Variants in SMOC2 observed in about 807,000 individuals in gnomAD.
The protein encoded by SMOC2 is SPARC-related modular calcium-binding protein 2.
In SMOC2, 39 loss-of-function variants were observed where a neutral mutation model predicts 61.4. The observed-to-expected ratio is 0.64, with a 90% CI of 0.49 to 0.83. The LOEUF is 0.83. Among genes scored for constraint, SMOC2 ranks in the 40% least tolerant of loss-of-function variants. The pLI is 0.00. For missense variants in SMOC2, 556 were observed against 592.9 expected (o/e 0.94, Z 0.65); for synonymous variants, 247 against 239.9 (o/e 1.03, Z -0.27).
intron 2 of SMOC2, among the ~76,000 whole-genome samples, chr6:168,510,782 C>T (rs1198390984): frequency 1.3e-5 from 2 of 152,166 alleles, no homozygotes; most frequent in African/African-American, 4.8e-5. Context: ...TCCCTGCTTA[C>T]CCAGGTGTGG....
chr6:168,507,081 A>G (rs1782888879), intron 1 of SMOC2, among the ~76,000 whole-genome samples: 2 of 152,196 alleles, frequency 1.3e-5, no homozygotes, highest in African/African-American at 4.8e-5. Flanking sequence ...ATTATCAAGA[A>G]TTATGGTCAA....
rs564446073 is a variant in SMOC2, at chr6:168,506,904, T to C, written c.85-3011T>C. Among the ~76,000 whole-genome samples the C allele has an allele frequency of 2.6e-5, 4 of 152,362 alleles. No individual in the cohort carries two copies. The South Asian group carries it at 8.3e-4, about 32-fold the overall frequency. ...ATATTTATTTTTCTTGAATGGGCTG[T>C]TTATTAATGAGCACAACTTAGTTAA... On this transcript the variant is annotated intron_variant, in intron 1 of 12. Transcript: ENST00000356284.
intron 9 of SMOC2, among the ~76,000 whole-genome samples, chr6:168,650,209 C>T (rs1411206302): frequency 6.6e-6 from 1 of 152,144 alleles, no homozygotes; most frequent in Non-Finnish European, 1.5e-5. Flanking sequence ...TGGGGAGCTC[C>T]TGCTGTTTGC....
intron 7 of SMOC2, among the ~76,000 whole-genome samples, chr6:168,579,274 T>G (rs759130050): frequency 6.6e-6 from 1 of 152,228 alleles, no homozygotes; most frequent in Non-Finnish European, 1.5e-5. Context: ...AGCCACTATT[T>G]TTTCTTTTAT....
intron 8 of SMOC2, among the ~76,000 whole-genome samples, chr6:168,602,348 C>T (rs540549128): frequency 2.6e-5 from 4 of 152,236 alleles, no homozygotes; most frequent in Admixed American, 6.5e-5. Context: ...TCTGTTCTGC[C>T]GTCTTCTTCT....
intron 7 of SMOC2, among the ~76,000 whole-genome samples, chr6:168,592,195 C>A (rs1481369859): frequency 6.6e-6 from 1 of 152,220 alleles, no homozygotes; most frequent in East Asian, 1.9e-4. Context: ...CCCTTGCCAT[C>A]CTGCTTCTCT....
In SMOC2 at chr6:168,664,130, T is replaced by C. The variant is rs376961532; in HGVS notation, c.1323+19T>C. On this transcript the variant is annotated intron_variant, in intron 12 of 12. Coordinates refer to ENST00000356284, the MANE Select transcript of SMOC2 (RefSeq NM_001166412.2). ...TAGACAGGTAAGTATGTTTATATTT[T>C]ACTCTTAACCATTTCGTTTTTAAAT... 2 of 1,589,294 alleles carry C rather than the reference T, an allele frequency of 1.3e-6. No homozygotes were observed. The highest frequency in any genetic ancestry group is 1.7e-6 in the Non-Finnish European group (2 of 1,163,844).
At chr6:168,595,087 C>A (rs1583142345) in intron 7 of SMOC2, among the ~76,000 whole-genome samples, 1 of 150,100 alleles carries the variant, frequency 6.7e-6, no homozygotes, top group East Asian at 2.0e-4. Flanking sequence ...CTTCCTGAGG[C>A]CTCACGGGCA....
In SMOC2 at chr6:168,526,353, C is replaced by T; in HGVS notation, c.264C>T (p.Ser88=). 3.1e-6 allele frequency: 5 copies of T among 1,614,106 alleles called. No homozygotes were observed. Among genetic ancestry groups the T allele is most frequent in the African/African-American group, 1.3e-5 (1 of 75,042 alleles). ...CCCTGTTCTTCCCTACAGACGTGTC[C>T]AGGTGTGTGGCCGAAAGGAAGTATA... ...IAYRGNCKDV[S]RCVAERKYTQ... Residue 88 remains serine (S), a synonymous_variant, in exon 3 of 13, where the codon TCC becomes TCT. Coordinates refer to ENST00000356284, the MANE Select transcript of SMOC2 (RefSeq NM_001166412.2).
Position 168,666,624 on chromosome 6 carries a change from A to C in SMOC2, c.*186A>C. 1 of 656,230 alleles carries C rather than the reference A, an allele frequency of 1.5e-6. No individual in the cohort carries two copies. The highest frequency in any genetic ancestry group is 2.0e-5 in the South Asian group (1 of 49,804). 40.7% of individuals were successfully genotyped at this position (656,230 alleles called of 1,614,324 possible). Reference sequence around the variant, plus strand: ...TGTGAAAATGGAGAGCTGGCTTCAGAAAATTAATCACATACAATGTATGTG... The same window carrying C: ...TGTGAAAATGGAGAGCTGGCTTCAGCAAATTAATCACATACAATGTATGTG... On this transcript the variant is annotated 3_prime_UTR_variant, in exon 13 of 13. Coordinates refer to ENST00000356284, the MANE Select transcript of SMOC2 (RefSeq NM_001166412.2).
intron 1 of SMOC2, among the ~76,000 whole-genome samples, chr6:168,508,474 C>T (rs1782927495): frequency 6.6e-6 from 1 of 152,202 alleles, no homozygotes; most frequent in South Asian, 2.1e-4. Flanking sequence ...TGACACAACC[C>T]ACCTGGTGAT....
At position 168,550,114 on chromosome 6, in the gene SMOC2, G is replaced by C. The variant is rs193178280; in HGVS notation, c.637+911G>C. On this transcript the variant is annotated intron_variant, in intron 7 of 12. Coordinates refer to ENST00000356284, the MANE Select transcript of SMOC2 (RefSeq NM_001166412.2). ...CATTTAGGCTCTCAGTTGATTGCTT[G>C]TGTGTTTCTCATTGCCTTTTCAAAT... 2.4e-4 allele frequency among the ~76,000 whole-genome samples: 37 copies of C among 152,274 alleles called. No homozygotes were observed. In the East Asian group the frequency reaches 6.0e-3, roughly 25 times the overall value.
chr6:168,545,258 T>TAAAA (rs11385979), intron 5 of SMOC2, among the ~76,000 whole-genome samples: 2 of 145,402 alleles, frequency 1.4e-5, no homozygotes, highest in South Asian at 2.2e-4. Flanking sequence ...GTACCCACTG[T>TAAAA]AAAAAAAAAA....
At chr6:168,524,304 T>C (rs1467875938) in intron 2 of SMOC2, among the ~76,000 whole-genome samples, 1 of 152,176 alleles carries the variant, frequency 6.6e-6, no homozygotes, top group Non-Finnish European at 1.5e-5. Context: ...TTATTTTGAG[T>C]GATGATTTAT....
rs561660164 is a variant in SMOC2 at position 168,513,654 on chromosome 6, TA to T, written c.256+3569del. ...AGTCCTGACATTTACTTGATATTAA[TA>T]CATTCAGTAAATTGGCGTTTTCTTC... On this transcript the variant is annotated intron_variant, in intron 2 of 12. Coordinates refer to ENST00000356284, the MANE Select transcript of SMOC2 (RefSeq NM_001166412.2). Among the ~76,000 whole-genome samples the T allele has an allele frequency of 1.4e-3, 215 of 152,380 alleles. 2 individuals carry two copies. The highest frequency in any genetic ancestry group is 4.8e-3 in the African/African-American group (199 of 41,596).
At chr6:168,468,468 C>T (rs1255201240) in intron 1 of SMOC2, among the ~76,000 whole-genome samples, 1 of 152,254 alleles carries the variant, frequency 6.6e-6, no homozygotes, top group African/African-American at 2.4e-5. Flanking sequence ...CCCCCACCGA[C>T]TGCCTTCTCC....
intron 7 of SMOC2, among the ~76,000 whole-genome samples, chr6:168,598,459 C>T (rs1269948821): frequency 2.0e-5 from 3 of 152,218 alleles, no homozygotes; most frequent in Admixed American, 2.0e-4. Flanking sequence ...AGCCACAGGG[C>T]TGGTTCTGCC....
At chr6:168,564,444 G>C (rs1784498434) in intron 7 of SMOC2, among the ~76,000 whole-genome samples, 1 of 152,076 alleles carries the variant, frequency 6.6e-6, no homozygotes. Context: ...CCTTGCAGTA[G>C]GTTGTTTGTC....
At chr6:168,548,523 A>AATTT (rs397959914) in intron 6 of SMOC2, among the ~76,000 whole-genome samples, 1 of 31,136 alleles carries the variant, frequency 3.2e-5, no homozygotes, top group Non-Finnish European at 4.7e-5. Flanking sequence ...ACCCCTGGCT[A>AATTT]TTTTTTTTTT....
Sources: gnomAD v4.1 joint callset for allele counts (sites outside exome capture counted in the v4.1 genomes callset) on GRCh38, gnomAD v4.1.1 for gene constraint, MANE v1.5 for transcripts, NCBI Gene and HGNC (gene_info 2026-07-23, HGNC 2026-07-21) for gene names.